The following LAMA2 variants were observed in gnomAD, a reference collection of about 807,000 sequenced individuals.
The protein encoded by LAMA2 is laminin subunit alpha-2.
A neutral mutation model predicts 364.8 loss-of-function variants in LAMA2; 269 were observed. The observed-to-expected ratio is 0.74, with a 90% CI of 0.67 to 0.82. The LOEUF (loss-of-function observed/expected upper bound fraction) is 0.82. Ranked by LOEUF, LAMA2 falls within the 40% of genes least tolerant of loss-of-function variation. LAMA2 has a pLI of 0.00. For missense variants in LAMA2, 3,807 were observed against 3,873.2 expected (o/e 0.98, Z 0.45); for synonymous variants, 1,379 against 1,370.6 (o/e 1.01, Z -0.14).
intron 4 of LAMA2, among the ~76,000 whole-genome samples, chr6:129,107,220 T>C (rs1775883890): frequency 6.6e-6 from 1 of 152,174 alleles, no homozygotes; most frequent in Non-Finnish European, 1.5e-5. Flanking sequence ...AACCATCTAA[T>C]ATGTGCCCCA....
At chr6:128,953,176 A>G (rs1780937745) in intron 1 of LAMA2, among the ~76,000 whole-genome samples, 1 of 152,326 alleles carries the variant, frequency 6.6e-6, no homozygotes, top group East Asian at 1.9e-4. Context: ...TTTCATAGCT[A>G]GCAAATGACA....
At chr6:129,383,292 G>A (rs1012561364) in intron 35 of LAMA2, 59 bp downstream of exon 35, 9 of 1,263,386 alleles carry the variant, frequency 7.1e-6, no homozygotes, top group Non-Finnish European at 1.0e-5. Flanking sequence ...CACAGAAAGG[G>A]ATGACACAGG....
At chr6:129,083,796 T>C (rs1286350778) in intron 3 of LAMA2, among the ~76,000 whole-genome samples, 1 of 152,200 alleles carries the variant, frequency 6.6e-6, no homozygotes, top group African/African-American at 2.4e-5. Context: ...CTGGAATAGG[T>C]GAAAATATCA....
At chr6:128,920,056 A>G (rs1778592481) in intron 1 of LAMA2, among the ~76,000 whole-genome samples, 1 of 152,186 alleles carries the variant, frequency 6.6e-6, no homozygotes, top group Non-Finnish European at 1.5e-5. Flanking sequence ...GGAATATATC[A>G]CTGTCTCTTT....
rs73775426 is a variant in LAMA2, at chr6:129,454,602, T to C, written c.6707+314T>C. ...AAGAAAGTACTGCCACTTATTCTTATGCAATACAAGCCAAAGCATAAGAGC... is the reference window on the plus strand; with the variant it reads ...AAGAAAGTACTGCCACTTATTCTTACGCAATACAAGCCAAAGCATAAGAGC... On this transcript the variant is annotated intron_variant, in intron 47 of 64. Coordinates refer to ENST00000421865, the MANE Select transcript of LAMA2 (RefSeq NM_000426.4). Among the ~76,000 whole-genome samples, 2,088 of 152,260 alleles carry C rather than the reference T, an allele frequency of 0.014. 56 individuals are homozygous for C. Among genetic ancestry groups the C allele is most frequent in the African/African-American group, 0.048 (1,980 of 41,536 alleles).
At position 129,310,620 on chromosome 6, in the gene LAMA2, C is replaced by T. The variant is rs372206788; in HGVS notation, c.3175-2241C>T. Among the ~76,000 whole-genome samples, 5 of 151,994 alleles carry T rather than the reference C, an allele frequency of 3.3e-5. No individual in the cohort carries two copies. In the South Asian group the frequency reaches 1.0e-3, roughly 31 times the overall value. On this transcript the variant is annotated intron_variant, in intron 22 of 64. Coordinates refer to ENST00000421865, the MANE Select transcript of LAMA2 (RefSeq NM_000426.4). ...ACAGAAACTACACTGGTTTTTTAAA[C>T]AGTGAAATGGAATTGTTAACTGGTA...
intron 1 of LAMA2, among the ~76,000 whole-genome samples, chr6:129,011,228 C>T (rs1373427321): frequency 6.6e-6 from 1 of 152,198 alleles, no homozygotes; most frequent in African/African-American, 2.4e-5. Context: ...TCTTTTTGCT[C>T]TGTCACTAAT....
chr6:129,070,218 T>A (rs1487760924), intron 3 of LAMA2, among the ~76,000 whole-genome samples: 1 of 152,054 alleles, frequency 6.6e-6, no homozygotes, highest in East Asian at 1.9e-4. Flanking sequence ...AAGGATAAAG[T>A]GATGTGTTAT....
intron 1 of LAMA2, among the ~76,000 whole-genome samples, chr6:129,009,767 G>A (rs574046025): frequency 1.3e-5 from 2 of 152,236 alleles, no homozygotes; most frequent in South Asian, 2.1e-4. Flanking sequence ...CCGCCTACCA[G>A]CTGTCTTCCG....
chr6:129,417,119 G>A (rs1318641925), intron 40 of LAMA2, among the ~76,000 whole-genome samples: 8 of 152,106 alleles, frequency 5.3e-5, no homozygotes, highest in Non-Finnish European at 4.4e-5. Context: ...GGGGAAGGGG[G>A]TGTGTTTCAA....
chr6:129,340,014 GAAAGAAAGAA>G (rs1449837785), intron 29 of LAMA2, among the ~76,000 whole-genome samples: 8 of 146,374 alleles, frequency 5.5e-5, no homozygotes, highest in African/African-American at 2.0e-4. Flanking sequence ...AAAAAAAAAA[GAAAGAAAGAA>G]AAAGAAAGAA....
At chr6:129,089,828 G>A (rs1774704624) in intron 3 of LAMA2, among the ~76,000 whole-genome samples, 1 of 152,072 alleles carries the variant, frequency 6.6e-6, no homozygotes, top group Non-Finnish European at 1.5e-5. Flanking sequence ...ATTCCAATTT[G>A]GACTCTGCTC....
At chr6:129,128,911 A>G (rs1777281400) in intron 4 of LAMA2, among the ~76,000 whole-genome samples, 2 of 152,208 alleles carry the variant, frequency 1.3e-5, no homozygotes, top group Admixed American at 6.5e-5. Flanking sequence ...ATTTGATTTT[A>G]TAAGTGAAAT....
intron 12 of LAMA2, among the ~76,000 whole-genome samples, chr6:129,243,150 C>A (rs1785504352): frequency 6.6e-6 from 1 of 152,086 alleles, no homozygotes; most frequent in South Asian, 2.1e-4. Flanking sequence ...CAGCCAAAAG[C>A]ATTCTTACCT....
chr6:129,413,478 C>T (rs1270418762), intron 40 of LAMA2, among the ~76,000 whole-genome samples: 1 of 152,012 alleles, frequency 6.6e-6, no homozygotes, highest in African/African-American at 2.4e-5. Context: ...ATTCTACATG[C>T]CCCATTCGAT....
chr6:129,193,530 TCCTG>T lies in LAMA2; in HGVS notation c.1782+678_1782+681del, dbSNP rs1781662213. 2.0e-5 allele frequency among the ~76,000 whole-genome samples: 3 copies of T among 152,332 alleles called. No homozygotes were observed. In the South Asian group the frequency reaches 6.2e-4, roughly 32 times the overall value. On this transcript the variant is annotated intron_variant, in intron 12 of 64. Coordinates refer to ENST00000421865, the MANE Select transcript of LAMA2 (RefSeq NM_000426.4). ...TGGATTACTTCTATCTAGATAGATA[TCCTG>T]GGGTTTAGAATTTTATTTTATCTTG...
At chr6:129,268,489 A>G (rs1787668446) in intron 16 of LAMA2, among the ~76,000 whole-genome samples, 1 of 152,118 alleles carries the variant, frequency 6.6e-6, no homozygotes. Flanking sequence ...TGTTCCATAT[A>G]GTCATATTTC....
intron 47 of LAMA2, 29 bp downstream of exon 47, chr6:129,454,317 T>C: frequency 6.3e-7 from 1 of 1,579,326 alleles, no homozygotes; most frequent in Non-Finnish European, 8.7e-7. Flanking sequence ...ATTAAGATAA[T>C]TAAATGATAG....
chr6:129,015,036 G>A (rs551495089), intron 1 of LAMA2, among the ~76,000 whole-genome samples: 1 of 152,106 alleles, frequency 6.6e-6, no homozygotes, highest in East Asian at 1.9e-4. Flanking sequence ...AGTAACTAAT[G>A]TTTTCCCATA....
Sources: gnomAD v4.1 joint callset for allele counts (sites outside exome capture counted in the v4.1 genomes callset) on GRCh38, gnomAD v4.1.1 for gene constraint, MANE v1.5 for transcripts, NCBI Gene and HGNC (gene_info 2026-07-23, HGNC 2026-07-21) for gene names.